Variants in CRIM1 observed in about 807,000 individuals in gnomAD.
CRIM1 encodes the protein cysteine rich transmembrane BMP regulator 1, also known as cysteine-rich motor neuron 1 protein.
Under a neutral mutation model 116.4 loss-of-function variants are expected in CRIM1, and 32 were observed. That is an observed-to-expected ratio of 0.27 (90% CI 0.21 to 0.37). The LOEUF is 0.37. Among genes scored for constraint, CRIM1 ranks in the 10% least tolerant of loss-of-function variants. The pLI, the probability that CRIM1 is intolerant of heterozygous loss-of-function variation, is 1.00. For missense variants in CRIM1, 1,331 were observed against 1,354.8 expected (o/e 0.98, Z 0.28); for synonymous variants, 590 against 509.2 (o/e 1.16, Z -2.13).
chr2:36,531,999 G>A (rs911688691), intron 13 of CRIM1: 3 of 470,546 alleles, frequency 6.4e-6, no homozygotes, highest in Admixed American at 2.4e-5. Flanking sequence ...GTAAATCTTT[G>A]TATTCTTGCA....
At position 36,510,014 on chromosome 2, in the gene CRIM1, C is replaced by T. The variant is rs576111073; in HGVS notation, c.1533C>T (p.Gly511=). 6.2e-7 allele frequency: 1 copy of T among 1,614,092 alleles called. No homozygotes were observed. Among genetic ancestry groups the T allele is most frequent in the Admixed American group, 1.7e-5 (1 of 60,018 alleles). ...TEELCSERKQ[G]CTLNCPFGFL... ...AACTATGTTCAGAACGTAAACAAGG[C>T]TGCACCTTGAACTGTCCCTTCGGTT... Residue 511 remains glycine (G), a synonymous_variant, in exon 9 of 17, where the codon GGC becomes GGT. Transcript: ENST00000280527.
intron 1 of CRIM1, among the ~76,000 whole-genome samples, chr2:36,377,938 A>G (rs987476647): frequency 8.5e-5 from 13 of 152,344 alleles, no homozygotes; most frequent in Admixed American, 7.2e-4. Context: ...TAACAAACTC[A>G]GTCTGTCAGG....
At chr2:36,361,434 C>T (rs879943148) in intron 1 of CRIM1, among the ~76,000 whole-genome samples, 4 of 152,002 alleles carry the variant, frequency 2.6e-5, no homozygotes, top group Non-Finnish European at 4.4e-5. Flanking sequence ...GTTGAAGATG[C>T]AATGACCGGG....
At chr2:36,532,324 A>T (rs1666173459) in intron 13 of CRIM1, among the ~76,000 whole-genome samples, 1 of 152,152 alleles carries the variant, frequency 6.6e-6, no homozygotes, top group Admixed American at 6.5e-5. Flanking sequence ...TTATTATGTT[A>T]GTGTCATACC....
intron 5 of CRIM1, among the ~76,000 whole-genome samples, chr2:36,471,683 C>G (rs1185915144): frequency 6.6e-6 from 1 of 151,436 alleles, no homozygotes; most frequent in Non-Finnish European, 1.5e-5. Context: ...TGTCTTGGGC[C>G]ACATGTAAAA....
At chr2:36,369,044 C>G (rs1669777793) in intron 1 of CRIM1, 1 of 152,180 alleles carries the variant, frequency 6.6e-6, no homozygotes, top group Admixed American at 6.5e-5. Flanking sequence ...AGCTTTTGCC[C>G]AATCTAGGGT....
chr2:36,486,087 G>A (rs947174699), intron 7 of CRIM1, among the ~76,000 whole-genome samples: 6 of 152,098 alleles, frequency 3.9e-5, no homozygotes, highest in Non-Finnish European at 8.8e-5. Flanking sequence ...CATTTAAAAT[G>A]TCTTTACATA....
chr2:36,483,506 G>A (rs1465539276), intron 7 of CRIM1, among the ~76,000 whole-genome samples: 1 of 152,162 alleles, frequency 6.6e-6, no homozygotes, highest in African/African-American at 2.4e-5. Context: ...AGAACACAAA[G>A]TTCGGAGGCC....
intron 2 of CRIM1, among the ~76,000 whole-genome samples, chr2:36,414,993 A>G (rs112566442): frequency 2.3e-4 from 35 of 152,368 alleles, no homozygotes; most frequent in African/African-American, 7.9e-4. Context: ...GGGAAGCTAG[A>G]GTAGAATCAG....
At chr2:36,518,357 T>C (rs72866883) in intron 12 of CRIM1, among the ~76,000 whole-genome samples, 1,680 of 152,372 alleles carry the variant, frequency 0.011, 28 homozygotes, top group African/African-American at 0.038. Flanking sequence ...CCATTTACTT[T>C]CTAAACATAT....
intron 11 of CRIM1, 127 bp downstream of exon 11, chr2:36,513,892 G>A: frequency 6.5e-6 from 5 of 770,778 alleles, no homozygotes; most frequent in South Asian, 5.2e-5. Context: ...AGCACTGTGT[G>A]GTTTTTGTCA....
At position 36,533,466 on chromosome 2, in the gene CRIM1, A is replaced by G. The variant is rs114017410; in HGVS notation, c.2429-3886A>G. Among the ~76,000 whole-genome samples, 982 of 151,942 alleles carry G rather than the reference A, an allele frequency of 6.5e-3. 8 individuals carry two copies. Among genetic ancestry groups the G allele is most frequent in the African/African-American group, 0.02 (844 of 41,410 alleles). Reference sequence around the variant, plus strand: ...AAACCCTAAAAATTATCCAGGCATAATGGTGCATACTAGTAGTCCTAACTA... The same window carrying G: ...AAACCCTAAAAATTATCCAGGCATAGTGGTGCATACTAGTAGTCCTAACTA... On this transcript the variant is annotated intron_variant, in intron 13 of 16. Transcript: ENST00000280527.
chr2:36,414,745 C>G (rs1020646604), intron 2 of CRIM1, among the ~76,000 whole-genome samples: 2 of 152,062 alleles, frequency 1.3e-5, no homozygotes, highest in Non-Finnish European at 2.9e-5. Flanking sequence ...TTTTGTGTCC[C>G]GAGGGACTTA....
At chr2:36,523,742 T>C (rs1362431427) in intron 13 of CRIM1, among the ~76,000 whole-genome samples, 6 of 152,212 alleles carry the variant, frequency 3.9e-5, no homozygotes, top group Non-Finnish European at 8.8e-5. Context: ...GAGTGATAGA[T>C]GGGGAATAAA....
At chr2:36,503,750 T>C (rs1056900078) in intron 8 of CRIM1, among the ~76,000 whole-genome samples, 3 of 152,238 alleles carry the variant, frequency 2.0e-5, no homozygotes, top group African/African-American at 7.2e-5. Flanking sequence ...TATAGGTATT[T>C]ATTTTGTCCC....
chr2:36,443,257 G>T (rs892256144), intron 4 of CRIM1, among the ~76,000 whole-genome samples: 8 of 152,180 alleles, frequency 5.3e-5, no homozygotes, highest in African/African-American at 1.4e-4. Context: ...TGACTGCGGG[G>T]AAGAGCCACT....
At chr2:36,511,274 C>G (rs1165481267) in intron 9 of CRIM1, among the ~76,000 whole-genome samples, 1 of 152,134 alleles carries the variant, frequency 6.6e-6, no homozygotes. Context: ...TTAGACCTAT[C>G]ATCTCTTTCC....
At chr2:36,392,421 A>C (rs566607344) in intron 1 of CRIM1, among the ~76,000 whole-genome samples, 1 of 152,112 alleles carries the variant, frequency 6.6e-6, no homozygotes, top group East Asian at 2.0e-4. Context: ...TACTTCATAT[A>C]GTTAAAAACC....
At chr2:36,467,130 A>G (rs987271264) in intron 5 of CRIM1, among the ~76,000 whole-genome samples, 1 of 152,174 alleles carries the variant, frequency 6.6e-6, no homozygotes, top group East Asian at 1.9e-4. Flanking sequence ...ATCTGTCCTG[A>G]GAAGATGTTG....
Sources: allele counts gnomAD v4.1 joint callset (sites outside exome capture counted in the v4.1 genomes callset), GRCh38; gene constraint gnomAD v4.1.1; transcripts MANE v1.5; gene names NCBI Gene and HGNC (gene_info 2026-07-23, HGNC 2026-07-21).